Variants in STAR observed in about 807,000 individuals in gnomAD.
STAR encodes steroidogenic acute regulatory protein, mitochondrial.
Under a neutral mutation model 32.3 loss-of-function variants are expected in STAR, and 32 were observed. The observed-to-expected ratio is 0.99, with a 90% CI of 0.75 to 1.33. STAR has a LOEUF of 1.33. STAR is among the 40% of genes most tolerant of loss of function. The probability of loss-of-function intolerance (pLI) is 0.00; values close to 1 mark genes in which losing one functional copy is unlikely to be tolerated. For synonymous variants in STAR, 134 were observed against 140.5 expected (o/e 0.95, Z 0.33); for missense variants, 375 against 379.0 (o/e 0.99, Z 0.09).
At chr8:38,146,520 A>G (rs1802577629) in intron 3 of STAR, 73 bp from the exon 4 acceptor site, 1 of 1,546,784 alleles carries the variant, frequency 6.5e-7, no homozygotes, top group Middle Eastern at 1.7e-4. Context: ...GTTCACGCCT[A>G]TAATCCCAGC....
chr8:38,148,416 C>T (rs1802612914), intron 2 of STAR, 89 bp from the exon 3 acceptor site: 8 of 1,582,802 alleles, frequency 5.1e-6, no homozygotes, highest in Non-Finnish European at 6.9e-6. Context: ...CTGCTCATTG[C>T]TCTGAAGAGC....
intron 6 of STAR, chr8:38,144,941 G>T: frequency 8.7e-7 from 1 of 1,148,506 alleles, no homozygotes; most frequent in Non-Finnish European, 1.1e-6. Context: ...TCCGGGAGGC[G>T]GAGGTTACGG....
chr8:38,148,250 C>A lies in STAR; in HGVS notation c.256G>T (p.Ala86Ser), dbSNP rs765355454. The change falls in exon 3 of 7, where the codon GCC (alanine) becomes TCC (serine). Residue 86 changes from alanine (A) to serine (S), a missense_variant. Ala to Ser is a moderately conservative substitution (Grantham distance 99, BLOSUM62 1). Coordinates refer to ENST00000276449, the MANE Select transcript of STAR (RefSeq NM_000349.3). ...LQQGEEAMQK[A>S]LGILSNQEGW... ...TCTTGGTTGCTAAGGATGCCCAAGG[C>A]CTTCTGCATGGCCTCCTCCCCCTGC... 7.4e-6 allele frequency: 12 copies of A among 1,614,124 alleles called. No homozygotes were observed. The South Asian group carries it at 1.3e-4, about 18-fold the overall frequency.
rs1217446758 is a variant in STAR, at chr8:38,146,450, G to T, written c.307-3C>A. On this transcript the variant is annotated splice_polypyrimidine_tract_variant and splice_region_variant and intron_variant, in intron 3 of 6. Transcript: ENST00000276449. ...CTCATCACTTTGTCCCCATTGTCCT[G>T]TCAGAGAAAGGAGCCCCCAGAAGGT... 1.2e-6 allele frequency: 2 copies of T among 1,613,602 alleles called. No homozygotes were observed. Among genetic ancestry groups the T allele is most frequent in the African/African-American group, 1.3e-5 (1 of 74,906 alleles).
chr8:38,145,008 CGAAAAA>C, intron 6 of STAR: 1 of 1,126,290 alleles, frequency 8.9e-7, no homozygotes, highest in Non-Finnish European at 1.1e-6. Flanking sequence ...AACTGAGTCT[CGAAAAA>C]AAAAAAAAAA....
intron 3 of STAR, among the ~76,000 whole-genome samples, chr8:38,147,026 T>C (rs1165001373): frequency 6.6e-6 from 1 of 151,738 alleles, no homozygotes; most frequent in Non-Finnish European, 1.5e-5. Context: ...CTCACTCTGT[T>C]GTCCAGGCTG....
At chr8:38,148,445 G>T in intron 2 of STAR, 118 bp from the exon 3 acceptor site, 1 of 1,530,408 alleles carries the variant, frequency 6.5e-7, no homozygotes, top group Non-Finnish European at 8.9e-7. Flanking sequence ...AAGCCATAGG[G>T]GCCAGCCTGC....
chr8:38,145,484 C>A (rs1585624623), intron 5 of STAR, 169 bp from the exon 6 acceptor site: 3 of 883,978 alleles, frequency 3.4e-6, no homozygotes, highest in African/African-American at 1.7e-5. Flanking sequence ...GGCACAGTTA[C>A]CAGCTCATCA....
At position 38,142,991 on chromosome 8, in the gene STAR, A is replaced by G. The variant is rs1412469188; in HGVS notation, c.*1282T>C. On this transcript the variant is annotated 3_prime_UTR_variant, in exon 7 of 7. Transcript: ENST00000276449. ...TACTAATTGGCATCATAAATAACAG[A>G]AATGTTAACTAATATTGTTTATCCT... Among the ~76,000 whole-genome samples, 5 of 152,226 alleles carry G rather than the reference A, an allele frequency of 3.3e-5. No homozygotes were observed. The highest frequency in any genetic ancestry group is 6.5e-5 in the Admixed American group (1 of 15,276).
At chr8:38,145,872 C>T in intron 5 of STAR, 91 bp downstream of exon 5, 2 of 1,551,586 alleles carry the variant, frequency 1.3e-6, no homozygotes, top group Non-Finnish European at 1.8e-6. Context: ...GGGTTGGTTT[C>T]TTGGAGCTGG....
chr8:38,146,219 C>G, intron 4 of STAR, 70 bp downstream of exon 4: 1 of 1,613,244 alleles, frequency 6.2e-7, no homozygotes, highest in Non-Finnish European at 8.5e-7. Context: ...AGCTAGGGGT[C>G]CTCTCTTTGA....
Position 38,148,299 on chromosome 8 carries a change from A to G in STAR, c.207T>C (p.Ser69=). The G allele has an allele frequency of 6.2e-7, 1 of 1,614,004 alleles. No individual in the cohort carries two copies. Among genetic ancestry groups the G allele is most frequent in the Non-Finnish European group, 8.5e-7 (1 of 1,179,976 alleles). Reference sequence around the variant, plus strand: ...GCTGGAGATAGGCCAGCTCCTGGTCACTGTAGAGAGTCTCTTCCAGCCGAG... The same window carrying G: ...GCTGGAGATAGGCCAGCTCCTGGTCGCTGTAGAGAGTCTCTTCCAGCCGAG... ...LGSRLEETLY[S]DQELAYLQQG... is the part of the protein sequence containing the mutation. The change falls in exon 3 of 7, where the codon AGT becomes AGC. Residue 69 remains serine (S), a synonymous_variant. Transcript: ENST00000276449.
intron 3 of STAR, among the ~76,000 whole-genome samples, chr8:38,147,322 A>G (rs1481226741): frequency 6.6e-6 from 1 of 152,172 alleles, no homozygotes; most frequent in Admixed American, 6.6e-5. Context: ...GGTAGGTCCA[A>G]CTGAAAAGAC....
intron 1 of STAR, chr8:38,149,004 T>C (rs1802625094): frequency 3.8e-6 from 2 of 519,950 alleles, no homozygotes; most frequent in East Asian, 6.9e-5. Context: ...AGATGGGCTA[T>C]ACCAGAGCCT....
intron 4 of STAR, 33 bp downstream of exon 4, chr8:38,146,256 G>A: frequency 1.9e-6 from 3 of 1,613,834 alleles, no homozygotes; most frequent in Non-Finnish European, 2.5e-6. Context: ...GGCTCTCCTG[G>A]GCCCCTGCCA....
chr8:38,148,571 C>T, intron 2 of STAR, 70 bp downstream of exon 2: 5 of 1,478,420 alleles, frequency 3.4e-6, no homozygotes, highest in Non-Finnish European at 4.7e-6. Flanking sequence ...GCCAAAGCCA[C>T]ATGCACCACA....
intron 3 of STAR, among the ~76,000 whole-genome samples, chr8:38,147,014 GTCTCAC>G (rs1456552524): frequency 6.7e-6 from 1 of 149,182 alleles, no homozygotes; most frequent in Non-Finnish European, 1.5e-5. Context: ...TTTTGAGACC[GTCTCAC>G]TCTGTTGTCC....
intron 5 of STAR, 22 bp from the exon 6 acceptor site, chr8:38,145,337 T>A (rs771442357): frequency 6.2e-7 from 1 of 1,613,962 alleles, no homozygotes; most frequent in Admixed American, 1.7e-5. Flanking sequence ...AGAAGTCAAG[T>A]CAGGAGGACA....
intron 3 of STAR, 90 bp downstream of exon 3, chr8:38,148,110 A>T: frequency 6.3e-7 from 1 of 1,575,830 alleles, no homozygotes; most frequent in Middle Eastern, 1.7e-4. Context: ...GCTGCATGAG[A>T]CAGGAATTCT....
Sources: allele counts gnomAD v4.1 joint callset (sites outside exome capture counted in the v4.1 genomes callset), GRCh38; gene constraint gnomAD v4.1.1; transcripts MANE v1.5; gene names NCBI Gene and HGNC (gene_info 2026-07-23, HGNC 2026-07-21).